The following EPHA5 variants were observed in gnomAD, a reference collection of about 807,000 sequenced individuals.
EPHA5 encodes the protein EPH receptor A5.
A neutral mutation model predicts 105.0 loss-of-function variants in EPHA5; 60 were observed. The ratio of observed to expected loss-of-function variants is 0.57; its 90% CI spans 0.46 to 0.71. EPHA5 has a LOEUF of 0.71. Among genes scored for constraint, EPHA5 ranks in the 30% least tolerant of loss-of-function variants. The pLI is 0.00. For synonymous variants in EPHA5, 513 were observed against 449.1 expected (o/e 1.14, Z -1.80); for missense variants, 1,218 against 1,274.7 (o/e 0.96, Z 0.68).
intron 5 of EPHA5, among the ~76,000 whole-genome samples, chr4:65,479,303 A>G (rs1277541965): frequency 6.6e-6 from 1 of 152,176 alleles, no homozygotes; most frequent in Non-Finnish European, 1.5e-5. Flanking sequence ...ACTCAAATCA[A>G]AAAGCTAGTT....
At chr4:65,536,791 A>G (rs1736334421) in intron 3 of EPHA5, among the ~76,000 whole-genome samples, 1 of 151,748 alleles carries the variant, frequency 6.6e-6, no homozygotes, top group Non-Finnish European at 1.5e-5. Flanking sequence ...TAGGTTTGGG[A>G]AGAATAAAAT....
At chr4:65,361,172 C>A (rs531995695) in intron 11 of EPHA5, among the ~76,000 whole-genome samples, 1 of 151,680 alleles carries the variant, frequency 6.6e-6, no homozygotes, top group African/African-American at 2.4e-5. Flanking sequence ...CTTTACTCAG[C>A]TATTCAACAT....
chr4:65,640,936 G>T (rs1019619947), intron 2 of EPHA5, among the ~76,000 whole-genome samples: 15 of 152,090 alleles, frequency 9.9e-5, no homozygotes, highest in African/African-American at 3.6e-4. Flanking sequence ...TTTCTGGTTG[G>T]CAAGCCTATT....
intron 5 of EPHA5, among the ~76,000 whole-genome samples, chr4:65,450,038 C>T (rs2149105112): frequency 6.6e-6 from 1 of 152,186 alleles, no homozygotes; most frequent in African/African-American, 2.4e-5. Flanking sequence ...ATACAGGTAT[C>T]AACATAGATA....
At chr4:65,392,579 G>A (rs1219284369) in intron 8 of EPHA5, among the ~76,000 whole-genome samples, 1 of 152,000 alleles carries the variant, frequency 6.6e-6, no homozygotes, top group Non-Finnish European at 1.5e-5. Flanking sequence ...AATGGTATAA[G>A]CATGTCCAGA....
At position 65,346,458 on chromosome 4, in the gene EPHA5, T is replaced by C. The variant is rs141331247; in HGVS notation, c.2595+1596A>G. Among the ~76,000 whole-genome samples, 6 of 151,994 alleles carry C rather than the reference T, an allele frequency of 3.9e-5. No individual in the cohort carries two copies. The East Asian group carries it at 1.2e-3, about 29-fold the overall frequency. ...TCAAAATTTTTCTTCTATTATTTTA[T>C]ATTCTGATTTTGACATTTCAATATT... On this transcript the variant is annotated intron_variant, in intron 14 of 16. Transcript: ENST00000613740.
chr4:65,537,527 A>C (rs1038636236), intron 3 of EPHA5, among the ~76,000 whole-genome samples: 4 of 151,802 alleles, frequency 2.6e-5, no homozygotes, highest in Admixed American at 6.6e-5. Flanking sequence ...TTAAGTCAAC[A>C]GTTTAATATA....
intron 5 of EPHA5, among the ~76,000 whole-genome samples, chr4:65,460,543 G>T (rs114717738): frequency 0.018 from 2,673 of 150,938 alleles, 76 homozygotes; most frequent in African/African-American, 0.061. Context: ...ACTTTTTAAG[G>T]TTAACATCCA....
chr4:65,331,874 G>A (rs767285993), intron 16 of EPHA5, 99 bp downstream of exon 16: 42 of 1,465,514 alleles, frequency 2.9e-5, no homozygotes, highest in East Asian at 1.9e-4. Context: ...CCACACATCC[G>A]CAAAGGTTAA....
At chr4:65,660,516 G>T (rs946646000) in intron 1 of EPHA5, among the ~76,000 whole-genome samples, 3 of 152,122 alleles carry the variant, frequency 2.0e-5, no homozygotes, top group African/African-American at 7.2e-5. Flanking sequence ...AGAAAGGGAG[G>T]AAAGATAGGG....
At chr4:65,386,508 G>A (rs1024968227) in intron 8 of EPHA5, among the ~76,000 whole-genome samples, 1 of 151,726 alleles carries the variant, frequency 6.6e-6, no homozygotes, top group African/African-American at 2.4e-5. Flanking sequence ...GGACATTAAT[G>A]ACAGAAATAG....
At chr4:65,626,019 T>G (rs540215848) in intron 2 of EPHA5, among the ~76,000 whole-genome samples, 13 of 149,666 alleles carry the variant, frequency 8.7e-5, no homozygotes, top group African/African-American at 2.7e-4. Context: ...GAGAATGACA[T>G]GAACCCGGGA....
chr4:65,464,435 C>A (rs1462717241), intron 5 of EPHA5, among the ~76,000 whole-genome samples: 2 of 151,946 alleles, frequency 1.3e-5, no homozygotes, highest in African/African-American at 2.4e-5. Flanking sequence ...TTAAGGCACT[C>A]AATTAACCTA....
intron 3 of EPHA5, among the ~76,000 whole-genome samples, chr4:65,600,766 T>G (rs188877985): frequency 2.0e-5 from 3 of 152,250 alleles, no homozygotes; most frequent in Non-Finnish European, 2.9e-5. Context: ...GTGAATAATT[T>G]AAATAAAAAC....
chr4:65,575,709 C>G (rs1216224597), intron 3 of EPHA5, among the ~76,000 whole-genome samples: 1 of 152,064 alleles, frequency 6.6e-6, no homozygotes. Context: ...TGGTGGCTCA[C>G]ACCTGTAAAA....
intron 3 of EPHA5, among the ~76,000 whole-genome samples, chr4:65,544,150 C>G (rs112649765): frequency 0.029 from 4,370 of 152,100 alleles, 216 homozygotes; most frequent in African/African-American, 0.1. Context: ...CAATACCATT[C>G]AGAACATAGG....
At chr4:65,574,757 T>TAC (rs1553942880) in intron 3 of EPHA5, among the ~76,000 whole-genome samples, 147 of 139,520 alleles carry the variant, frequency 1.1e-3, no homozygotes, top group South Asian at 1.3e-3. Context: ...TATATATATA[T>TAC]ACACAGTAAT....
chr4:65,668,820 C>A (rs1203041272), intron 1 of EPHA5, among the ~76,000 whole-genome samples: 1 of 151,982 alleles, frequency 6.6e-6, no homozygotes, highest in African/African-American at 2.4e-5. Context: ...TGGGTTTTAG[C>A]GGCAACTTCC....
chr4:65,367,061 C>G (rs1717978211), intron 9 of EPHA5, among the ~76,000 whole-genome samples: 1 of 151,182 alleles, frequency 6.6e-6, no homozygotes, highest in Non-Finnish European at 1.5e-5. Flanking sequence ...TTAGAATATT[C>G]CAGGAAATTT....
Sources: gnomAD v4.1 joint callset for allele counts (sites outside exome capture counted in the v4.1 genomes callset) on GRCh38, gnomAD v4.1.1 for gene constraint, MANE v1.5 for transcripts, NCBI Gene and HGNC (gene_info 2026-07-23, HGNC 2026-07-21) for gene names.